DNER: variants seen among roughly 807,000 people sequenced by gnomAD.
DNER encodes the protein delta and Notch-like epidermal growth factor-related receptor.
DNER carries 33 observed loss-of-function variants against 78.2 expected under a neutral mutation model. That is an observed-to-expected ratio of 0.42 (90% CI 0.32 to 0.56). DNER has a LOEUF of 0.56. Ranked by LOEUF, DNER falls within the 20% of genes least tolerant of loss-of-function variation. DNER has a pLI of 0.11. For synonymous variants in DNER, 417 were observed against 384.8 expected (o/e 1.08, Z -0.98); for missense variants, 918 against 975.3 (o/e 0.94, Z 0.78).
chr2:229,407,165 T>C (rs1352608389), intron 10 of DNER, 67 bp downstream of exon 10: 1 of 1,458,730 alleles, frequency 6.9e-7, no homozygotes, highest in Non-Finnish European at 9.5e-7. Flanking sequence ...GATTTGGGTT[T>C]TTTTAACATC....
At chr2:229,443,193 G>T (rs901302985) in intron 8 of DNER, among the ~76,000 whole-genome samples, 6 of 152,112 alleles carry the variant, frequency 3.9e-5, no homozygotes, top group African/African-American at 1.4e-4. Flanking sequence ...TTCTATAATG[G>T]CAGGGTTAAT....
At chr2:229,582,472 C>T (rs1335819155) in intron 4 of DNER, among the ~76,000 whole-genome samples, 1 of 151,612 alleles carries the variant, frequency 6.6e-6, no homozygotes, top group Non-Finnish European at 1.5e-5. Flanking sequence ...TACAAAGCCA[C>T]ATAAAAGACC....
At chr2:229,597,015 ACACATGCACACG>A (rs1164182634) in intron 1 of DNER, among the ~76,000 whole-genome samples, 4 of 151,094 alleles carry the variant, frequency 2.6e-5, no homozygotes, top group African/African-American at 4.8e-5. Context: ...ACATGCACAC[ACACATGCACACG>A]CACACATATA....
intron 10 of DNER, among the ~76,000 whole-genome samples, chr2:229,406,352 G>A (rs1294269185): frequency 6.6e-6 from 1 of 152,064 alleles, no homozygotes; most frequent in Non-Finnish European, 1.5e-5. Flanking sequence ...AGCTTTTGTT[G>A]GTTGAGCAAA....
intron 1 of DNER, among the ~76,000 whole-genome samples, chr2:229,680,853 T>C (rs10207750): frequency 0.22 from 33,614 of 152,196 alleles, 3,888 homozygotes; most frequent in East Asian, 0.37. Flanking sequence ...AAGACAGGTA[T>C]ATATTCAATC....
At chr2:229,695,751 G>A (rs567182293) in intron 1 of DNER, among the ~76,000 whole-genome samples, 1 of 152,258 alleles carries the variant, frequency 6.6e-6, no homozygotes, top group Middle Eastern at 3.4e-3. Flanking sequence ...AGCCGAACTC[G>A]TTAGTGTCAG....
chr2:229,530,433 A>G (rs1696281208), intron 5 of DNER, among the ~76,000 whole-genome samples: 1 of 152,196 alleles, frequency 6.6e-6, no homozygotes. Flanking sequence ...TCTCCATTTG[A>G]GCCCTAAACG....
At chr2:229,702,452 C>A (rs1314337303) in intron 1 of DNER, among the ~76,000 whole-genome samples, 2 of 150,322 alleles carry the variant, frequency 1.3e-5, no homozygotes, top group Non-Finnish European at 1.5e-5. Flanking sequence ...AGGAGGATCA[C>A]TTGAGCCATA....
intron 1 of DNER, among the ~76,000 whole-genome samples, chr2:229,666,639 G>C (rs1699096985): frequency 6.6e-6 from 1 of 152,148 alleles, no homozygotes; most frequent in Non-Finnish European, 1.5e-5. Context: ...ATTATATTAA[G>C]GACATGTAAC....
intron 6 of DNER, among the ~76,000 whole-genome samples, chr2:229,493,851 T>C (rs750191753): frequency 6.6e-6 from 1 of 152,160 alleles, no homozygotes. Flanking sequence ...TTGCATAATC[T>C]TCCCAAGGAG....
rs1479080436 is a variant in DNER, at chr2:229,477,084, T to C, written c.1261+56A>G. On this transcript the variant is annotated intron_variant, in intron 7 of 12. Transcript: ENST00000341772. Reference sequence around the variant, plus strand: ...GAAACAAAGTATAAGGCTGATCAAATTAGTTTATGATTTAAAATGAAAAAA... The same window carrying C: ...GAAACAAAGTATAAGGCTGATCAAACTAGTTTATGATTTAAAATGAAAAAA... The C allele has an allele frequency of 2.9e-6, 4 of 1,377,518 alleles. No individual in the cohort carries two copies. The African/African-American group carries it at 5.8e-5, about 20-fold the overall frequency. The allele number at this position is 1,377,518 out of a possible 1,614,324, so 85.3% of individuals were successfully genotyped here.
At chr2:229,603,387 A>C (rs1033637495) in intron 1 of DNER, among the ~76,000 whole-genome samples, 1 of 152,230 alleles carries the variant, frequency 6.6e-6, no homozygotes, top group South Asian at 2.1e-4. Context: ...TGTTGTGCAC[A>C]TGTACCCTAA....
chr2:229,362,119 T>A (rs976071650), intron 12 of DNER, among the ~76,000 whole-genome samples: 1 of 152,226 alleles, frequency 6.6e-6, no homozygotes, highest in African/African-American at 2.4e-5. Context: ...GGTGGCTCCA[T>A]CTGCGGCTCC....
intron 7 of DNER, among the ~76,000 whole-genome samples, chr2:229,465,798 G>A (rs949726784): frequency 1.3e-5 from 2 of 152,036 alleles, no homozygotes; most frequent in Non-Finnish European, 2.9e-5. Context: ...GATTCGAAAG[G>A]CAGGGAAGGA....
chr2:229,440,706 G>C (rs1694215524), intron 8 of DNER, among the ~76,000 whole-genome samples: 1 of 152,174 alleles, frequency 6.6e-6, no homozygotes, highest in African/African-American at 2.4e-5. Flanking sequence ...TGCTCAGCCT[G>C]CTGTACCCAA....
chr2:229,679,669 T>C (rs557229524), intron 1 of DNER, among the ~76,000 whole-genome samples: 2 of 152,330 alleles, frequency 1.3e-5, no homozygotes, highest in South Asian at 2.1e-4. Flanking sequence ...ACTAATGCCT[T>C]ATTCTGCCTG....
chr2:229,643,198 G>A (rs904843425), intron 1 of DNER, among the ~76,000 whole-genome samples: 1 of 152,080 alleles, frequency 6.6e-6, no homozygotes, highest in Non-Finnish European at 1.5e-5. Context: ...GCCTGGGTGA[G>A]AGAGTGAGCC....
chr2:229,521,660 AT>A (rs1463780386), intron 5 of DNER, among the ~76,000 whole-genome samples: 2 of 152,242 alleles, frequency 1.3e-5, no homozygotes, highest in East Asian at 3.8e-4. Flanking sequence ...CAGATTTAGT[AT>A]TTCAAGAAGC....
chr2:229,600,238 C>T (rs1697803220), intron 1 of DNER, among the ~76,000 whole-genome samples: 1 of 152,242 alleles, frequency 6.6e-6, no homozygotes. Flanking sequence ...ACAACCACAG[C>T]CACCTGTTTA....
Sources: allele counts gnomAD v4.1 joint callset (sites outside exome capture counted in the v4.1 genomes callset), GRCh38; gene constraint gnomAD v4.1.1; transcripts MANE v1.5; gene names NCBI Gene and HGNC (gene_info 2026-07-23, HGNC 2026-07-21).